Variants in GPC6 observed in about 807,000 individuals in gnomAD.
GPC6 encodes the protein glypican-6.
GPC6 carries 14 observed loss-of-function variants against 55.2 expected under a neutral mutation model. That is an observed-to-expected ratio of 0.25 (90% confidence interval 0.17 to 0.40). GPC6 has a LOEUF of 0.40. GPC6 is among the 10% of genes least tolerant of loss of function. GPC6 has a pLI of 1.00. For missense variants in GPC6, 641 were observed against 708.5 expected, an observed-to-expected ratio of 0.90 and a Z score of 1.08; for synonymous variants, 278 against 259.6, an observed-to-expected ratio of 1.07 and a Z score of -0.68.
chr13:93,693,459 A>ATATGTGTGTGTGTGTGTGTGTGTGTG, intron 2 of GPC6, among the ~76,000 whole-genome samples: 1 of 88,302 alleles, frequency 1.1e-5, no homozygotes, highest in Non-Finnish European at 2.7e-5. Context: ...GTGTATGTAT[A>ATATGTGTGTGTGTGTGTGTGTGTGTG]TCTGTGTGTG....
chr13:94,070,144 G>A (rs1594711666), intron 4 of GPC6, among the ~76,000 whole-genome samples: 1 of 152,200 alleles, frequency 6.6e-6, no homozygotes. Flanking sequence ...GCAAGGAGGA[G>A]CAAGTTACAT....
chr13:94,370,543 C>G (rs1341015587), intron 6 of GPC6, among the ~76,000 whole-genome samples: 2 of 152,154 alleles, frequency 1.3e-5, no homozygotes, highest in East Asian at 3.8e-4. Context: ...GCCACAAAAG[C>G]CTTTTTTCTT....
At chr13:93,730,750 G>T (rs1390916568) in intron 2 of GPC6, among the ~76,000 whole-genome samples, 1 of 152,202 alleles carries the variant, frequency 6.6e-6, no homozygotes, top group Admixed American at 6.5e-5. Flanking sequence ...AGTAAGCATG[G>T]AGAGGCTGGA....
chr13:93,714,019 G>A (rs1025595821), intron 2 of GPC6, among the ~76,000 whole-genome samples: 1 of 151,880 alleles, frequency 6.6e-6, no homozygotes, highest in Non-Finnish European at 1.5e-5. Flanking sequence ...CTGTTCATCA[G>A]CCTTGAGAAA....
At chr13:93,791,038 G>A (rs550671600) in intron 2 of GPC6, among the ~76,000 whole-genome samples, 7 of 152,222 alleles carry the variant, frequency 4.6e-5, no homozygotes, top group East Asian at 1.9e-4. Flanking sequence ...AGCCTCAACC[G>A]TTCCCCCTAC....
intron 3 of GPC6, among the ~76,000 whole-genome samples, chr13:93,873,073 C>A (rs1485512685): frequency 6.6e-6 from 1 of 151,396 alleles, no homozygotes; most frequent in African/African-American, 2.4e-5. Flanking sequence ...AAACATACAC[C>A]CTTTAACTAC....
At chr13:94,356,095 A>C (rs986039295) in intron 6 of GPC6, among the ~76,000 whole-genome samples, 56 of 151,856 alleles carry the variant, frequency 3.7e-4, no homozygotes, top group African/African-American at 1.2e-3. Flanking sequence ...CTGCAGCTCC[A>C]TCCATGTCCC....
chr13:93,797,035 A>C (rs895812279), intron 2 of GPC6, among the ~76,000 whole-genome samples: 1 of 152,280 alleles, frequency 6.6e-6, no homozygotes, highest in Non-Finnish European at 1.5e-5. Flanking sequence ...AAAAAAGACG[A>C]GGTAACTTTT....
chr13:94,183,578 C>T (rs566822854), intron 4 of GPC6, among the ~76,000 whole-genome samples: 1 of 152,220 alleles, frequency 6.6e-6, no homozygotes, highest in East Asian at 1.9e-4. Flanking sequence ...GGGTACATAC[C>T]TAGGAGTGAA....
intron 2 of GPC6, among the ~76,000 whole-genome samples, chr13:93,634,166 C>A (rs1208533473): frequency 2.0e-5 from 3 of 152,168 alleles, no homozygotes; most frequent in African/African-American, 7.2e-5. Flanking sequence ...CTTAAATGTG[C>A]ACTTTATGTT....
intron 4 of GPC6, among the ~76,000 whole-genome samples, chr13:94,233,525 T>C (rs957221024): frequency 1.3e-5 from 2 of 152,194 alleles, no homozygotes; most frequent in Non-Finnish European, 2.9e-5. Context: ...GTTTTAAGTT[T>C]CCCACTGTTC....
At chr13:93,436,725 T>G (rs1248695595) in intron 1 of GPC6, among the ~76,000 whole-genome samples, 1 of 152,186 alleles carries the variant, frequency 6.6e-6, no homozygotes, top group East Asian at 1.9e-4. Context: ...ACTAATATGA[T>G]GGACACATTT....
chr13:93,229,672 A>G (rs1442164146), intron 1 of GPC6, among the ~76,000 whole-genome samples: 1 of 150,734 alleles, frequency 6.6e-6, no homozygotes, highest in Non-Finnish European at 1.5e-5. Flanking sequence ...TTTTACAATT[A>G]CAGTGTTTGC....
At chr13:93,462,540 TA>T (rs1878730665) in intron 1 of GPC6, among the ~76,000 whole-genome samples, 1 of 151,312 alleles carries the variant, frequency 6.6e-6, no homozygotes, top group Non-Finnish European at 1.5e-5. Flanking sequence ...AATTTAACCT[TA>T]AAGATGAAAA....
At chr13:93,779,591 G>A (rs573122326) in intron 2 of GPC6, among the ~76,000 whole-genome samples, 1 of 152,244 alleles carries the variant, frequency 6.6e-6, no homozygotes, top group South Asian at 2.1e-4. Flanking sequence ...TCCGGGTTCT[G>A]TGATTCAATT....
At chr13:93,734,018 G>T (rs1483680865) in intron 2 of GPC6, among the ~76,000 whole-genome samples, 1 of 152,048 alleles carries the variant, frequency 6.6e-6, no homozygotes, top group Non-Finnish European at 1.5e-5. Context: ...CCAACATTAA[G>T]GTTTAGCCAC....
chr13:94,016,715 T>C (rs1394438215), intron 3 of GPC6, among the ~76,000 whole-genome samples: 1 of 152,248 alleles, frequency 6.6e-6, no homozygotes, highest in Admixed American at 6.5e-5. Flanking sequence ...TGGGATGTAT[T>C]TCCATTGAAT....
chr13:93,427,564 C>T lies in GPC6; in HGVS notation c.161-117699C>T, dbSNP rs528983493. 2.4e-4 allele frequency among the ~76,000 whole-genome samples: 37 copies of T among 152,254 alleles called. No homozygotes were observed. The South Asian group carries it at 4.8e-3, about 20-fold the overall frequency. On this transcript the variant is annotated intron_variant, in intron 1 of 8. Coordinates refer to ENST00000377047, the MANE Select transcript of GPC6 (RefSeq NM_005708.5). ...GCTAGCCATATGTAGAAAGCTGAAACGGGAAAAGTGTTTTCAATGTGATGT... is the reference window on the plus strand; with the variant it reads ...GCTAGCCATATGTAGAAAGCTGAAATGGGAAAAGTGTTTTCAATGTGATGT...
At chr13:93,301,730 G>A (rs1878688052) in intron 1 of GPC6, among the ~76,000 whole-genome samples, 1 of 152,150 alleles carries the variant, frequency 6.6e-6, no homozygotes, top group South Asian at 2.1e-4. Context: ...CATCTTAACA[G>A]TTCCTACTTC....
Sources: allele counts gnomAD v4.1 joint callset (sites outside exome capture counted in the v4.1 genomes callset), GRCh38; gene constraint gnomAD v4.1.1; transcripts MANE v1.5; gene names NCBI Gene and HGNC (gene_info 2026-07-23, HGNC 2026-07-21).